The following SNRNP70 variants were observed in gnomAD, a reference collection of about 807,000 sequenced individuals.
SNRNP70 encodes small nuclear ribonucleoprotein U1 subunit 70.
Under a neutral mutation model 50.5 loss-of-function variants are expected in SNRNP70, and 8 were observed. The observed-to-expected ratio is 0.16, with a 90% CI of 0.09 to 0.29. The LOEUF (loss-of-function observed/expected upper bound fraction) is 0.29, where lower values mean the gene tolerates loss of function less well. Among genes scored for constraint, SNRNP70 ranks in the 10% least tolerant of loss-of-function variants. SNRNP70 has a pLI of 1.00. For synonymous variants in SNRNP70, 320 were observed against 252.9 expected (o/e 1.27, Z -2.52); for missense variants, 529 against 663.5 (o/e 0.80, Z 2.23).
At chr19:49,086,676 C>T in intron 2 of SNRNP70, 115 bp downstream of exon 2, 1 of 916,408 alleles carries the variant, frequency 1.1e-6, no homozygotes, top group South Asian at 1.5e-5. Flanking sequence ...AGGGGCTTAA[C>T]CTTTGTGATC....
intron 6 of SNRNP70, 41 bp downstream of exon 6, chr19:49,098,745 G>T (rs2040544078): frequency 6.6e-7 from 1 of 1,514,386 alleles, no homozygotes. Flanking sequence ...GGGGGTGCAT[G>T]GAGGAGGGGC....
chr19:49,098,360 C>T (rs374129252), intron 4 of SNRNP70, 67 bp from the exon 5 acceptor site: 61 of 1,280,400 alleles, frequency 4.8e-5, no homozygotes, highest in Admixed American at 4.2e-4. Context: ...CTCTGCCCAT[C>T]GTATTTGTTT....
intron 6 of SNRNP70, among the ~76,000 whole-genome samples, chr19:49,099,440 G>A (rs2040553352): frequency 6.6e-6 from 1 of 151,888 alleles, no homozygotes; most frequent in Non-Finnish European, 1.5e-5. Flanking sequence ...GAAAAAAAAA[G>A]TATTGTTGGG....
At position 49,104,473 on chromosome 19, in the gene SNRNP70, G is replaced by A. The variant is rs1210349920; in HGVS notation, c.476-161G>A. 1 of 631,814 alleles carries A rather than the reference G, an allele frequency of 1.6e-6. No individual in the cohort carries two copies. Among genetic ancestry groups the A allele is most frequent in the Non-Finnish European group, 2.9e-6 (1 of 347,442 alleles). The allele number at this position is 631,814 out of a possible 1,614,324, so 39.1% of individuals were successfully genotyped here. A position where few individuals can be genotyped will look rare whatever the true frequency, so the allele number is the denominator to read the frequency against. ...TGGAGCAGGCCCTTCACCGGTTTGG[G>A]AGAGGGTTGGTCTGGCTGTCAGTTG... On this transcript the variant is annotated intron_variant, in intron 7 of 9. Coordinates refer to ENST00000598441, the MANE Select transcript of SNRNP70 (RefSeq NM_003089.6). This position sits in a 1 kb window ranked among gnomAD's most constrained non-coding sequence, Gnocchi z 5.4.
At position 49,104,612 on chromosome 19, in the gene SNRNP70, C is replaced by T. The variant is rs1292572999; in HGVS notation, c.476-22C>T. 3 of 1,540,114 alleles carry T rather than the reference C, an allele frequency of 1.9e-6. No individual in the cohort carries two copies. In the South Asian group the frequency reaches 3.6e-5, roughly 18 times the overall value. Reference sequence around the variant, plus strand: ...ACCCTCTGGGGACTCCTCTCCCCTCCCCCTCCCCACATCTGTTACAGCCGC... The same window carrying T: ...ACCCTCTGGGGACTCCTCTCCCCTCTCCCTCCCCACATCTGTTACAGCCGC... On this transcript the variant is annotated intron_variant, in intron 7 of 9. Coordinates refer to ENST00000598441, the MANE Select transcript of SNRNP70 (RefSeq NM_003089.6). The surrounding 1 kb of genome is among the most constrained non-coding windows in gnomAD (Gnocchi z 5.4).
At chr19:49,092,000 T>G (rs984487128) in intron 4 of SNRNP70, among the ~76,000 whole-genome samples, 1 of 152,226 alleles carries the variant, frequency 6.6e-6, no homozygotes, top group Non-Finnish European at 1.5e-5. Context: ...TTTCTAAATG[T>G]CACAAATCTG....
chr19:49,096,478 T>C (rs1283057362), intron 4 of SNRNP70, among the ~76,000 whole-genome samples: 1 of 152,088 alleles, frequency 6.6e-6, no homozygotes, highest in Non-Finnish European at 1.5e-5. Context: ...TTCTAAAATA[T>C]TCTTAGGCCA....
chr19:49,104,297 T>C lies in SNRNP70; in HGVS notation c.476-337T>C, dbSNP rs1276489734. 1 of 274,836 alleles carries C rather than the reference T, an allele frequency of 3.6e-6. No homozygotes were observed. The highest frequency in any genetic ancestry group is 7.0e-6 in the Non-Finnish European group (1 of 143,052). The allele number at this position is 274,836 out of a possible 1,614,324, so 17.0% of individuals were successfully genotyped here. A position where few individuals can be genotyped will look rare whatever the true frequency, so the allele number is the denominator to read the frequency against. ...TCCAGCGTGGAGTTAACCTTCAGTT[T>C]CTTTGCAGCGATTTTGGCCGCCCTG... On this transcript the variant is annotated intron_variant, in intron 7 of 9. Transcript: ENST00000598441. The surrounding 1 kb of genome is among the most constrained non-coding windows in gnomAD (Gnocchi z 5.4).
chr19:49,094,881 TGA>T (rs2040493393), intron 4 of SNRNP70, among the ~76,000 whole-genome samples: 1 of 149,102 alleles, frequency 6.7e-6, no homozygotes, highest in South Asian at 2.1e-4. Context: ...TTCCAAAGAG[TGA>T]GAGTTCCAAG....
chr19:49,085,468 G>T lies in SNRNP70; in HGVS notation c.-179G>T. The T allele has an allele frequency of 2.3e-6, 1 of 435,112 alleles. No homozygotes were observed. Among genetic ancestry groups the T allele is most frequent in the Non-Finnish European group, 4.7e-6 (1 of 214,192 alleles). The allele number at this position is 435,112 out of a possible 1,614,324, so 27.0% of individuals were successfully genotyped here. A position where few individuals can be genotyped will look rare whatever the true frequency, so the allele number is the denominator to read the frequency against. ...CCTGCTCCAGTCGCTATCGGAGGCCGCGCGGGTGGCTGAGCAGCGGCCTGG... is the reference window on the plus strand; with the variant it reads ...CCTGCTCCAGTCGCTATCGGAGGCCTCGCGGGTGGCTGAGCAGCGGCCTGG... On this transcript the variant is annotated 5_prime_UTR_variant, in exon 1 of 10. Transcript: ENST00000598441.
At chr19:49,099,262 C>T (rs1333216473) in intron 6 of SNRNP70, among the ~76,000 whole-genome samples, 1 of 152,174 alleles carries the variant, frequency 6.6e-6, no homozygotes, top group African/African-American at 2.4e-5. Flanking sequence ...CTTCTCCCTG[C>T]TCTGTTTCTG....
chr19:49,107,497 G>C lies in SNRNP70; in HGVS notation c.578-128G>C. Reference sequence around the variant, plus strand: ...GTGCGCGGGATGAACTGCACGGGGGGACCCGGCCCTGTGAACACTAAGCCA... The same window carrying C: ...GTGCGCGGGATGAACTGCACGGGGGCACCCGGCCCTGTGAACACTAAGCCA... On this transcript the variant is annotated intron_variant, in intron 8 of 9. Coordinates refer to ENST00000598441, the MANE Select transcript of SNRNP70 (RefSeq NM_003089.6). This position sits in a 1 kb window ranked among gnomAD's most constrained non-coding sequence, Gnocchi z 6.0. The C allele has an allele frequency of 1.2e-6, 1 of 800,054 alleles. No homozygotes were observed. Among genetic ancestry groups the C allele is most frequent in the Non-Finnish European group, 2.1e-6 (1 of 478,452 alleles). The allele number at this position is 800,054 out of a possible 1,614,324, so 49.6% of individuals were successfully genotyped here.
In SNRNP70 at chr19:49,108,207, AGCGAGC is replaced by A. The variant is rs745541809; in HGVS notation, c.1086_1091del (p.Glu363_Arg364del). 6.5e-7 allele frequency: 1 copy of A among 1,531,382 alleles called. No homozygotes were observed. Among genetic ancestry groups the A allele is most frequent in the South Asian group, 1.2e-5 (1 of 81,246 alleles). 94.9% of individuals were successfully genotyped at this position (1,531,382 alleles called of 1,614,324 possible). ...CCGGGAGCGACGGCGGAGCCACCGG[AGCGAGC>A]GCGAGCGGCGCCGGGACCGGGATCG... is the stretch of plus-strand genomic sequence containing the variant. On this transcript the variant is annotated inframe_deletion, in exon 10 of 10. Transcript: ENST00000598441.
rs201677637 is a variant in SNRNP70 at position 49,090,258 on chromosome 19, T to G, written c.148-33T>G. On this transcript the variant is annotated intron_variant, in intron 2 of 9. Coordinates refer to ENST00000598441, the MANE Select transcript of SNRNP70 (RefSeq NM_003089.6). ...TGTCCCTTGCCATTTCCCCCAGTCC[T>G]TCCCACCCTGTCACCTCTCTTCTTG... is the stretch of plus-strand genomic sequence containing the variant. 7 of 1,602,414 alleles carry G rather than the reference T, an allele frequency of 4.4e-6. No homozygotes were observed. The East Asian group carries it at 1.3e-4, about 31-fold the overall frequency.
chr19:49,086,670 GC>G (rs1421471558), intron 2 of SNRNP70, 109 bp downstream of exon 2: 1 of 1,022,402 alleles, frequency 9.8e-7, no homozygotes, highest in Non-Finnish European at 1.5e-6. Flanking sequence ...TAAGCGAGGG[GC>G]TTAACCTTTG....
chr19:49,099,567 CAA>C (rs199726665), intron 6 of SNRNP70, among the ~76,000 whole-genome samples: 3 of 85,952 alleles, frequency 3.5e-5, no homozygotes, highest in African/African-American at 4.9e-5. Flanking sequence ...CTGGTCTGTA[CAA>C]AAAAAAAAAA....
chr19:49,098,314 A>C (rs1173779199), intron 4 of SNRNP70, 113 bp from the exon 5 acceptor site: 1 of 831,754 alleles, frequency 1.2e-6, no homozygotes, highest in Non-Finnish European at 2.0e-6. Context: ...TCCTCCAGTT[A>C]GGGGCCTCTC....
chr19:49,103,029 G>C (rs889391082), intron 7 of SNRNP70: 1 of 152,450 alleles, frequency 6.6e-6, no homozygotes, highest in Non-Finnish European at 1.5e-5. Flanking sequence ...CTCAGAGCAC[G>C]GGCAGCACCG....
rs1323036718 is a variant in SNRNP70 at position 49,096,537 on chromosome 19, A to G, written c.266-1890A>G. Among the ~76,000 whole-genome samples the G allele has an allele frequency of 6.7e-5, 10 of 149,624 alleles. No homozygotes were observed. In the East Asian group the frequency reaches 8.1e-4, roughly 12 times the overall value. On this transcript the variant is annotated intron_variant, in intron 4 of 9. Coordinates refer to ENST00000598441, the MANE Select transcript of SNRNP70 (RefSeq NM_003089.6). The stretch of plus-strand genomic sequence containing the variant: ...TGCCAGCACTTTGGGAGGCCGAGGC[A>G]GGCAGATCACCTGAGGTCAGGAGTT...
Sources: gnomAD v4.1 joint callset for allele counts (sites outside exome capture counted in the v4.1 genomes callset) on GRCh38, gnomAD v4.1.1 for gene constraint, Gnocchi (gnomAD v3.1) non-coding constraint, MANE v1.5 for transcripts, NCBI Gene and HGNC (gene_info 2026-07-23, HGNC 2026-07-21) for gene names.